The following ANO2 variants were observed in gnomAD, a reference collection of about 807,000 sequenced individuals.
ANO2 encodes the protein anoctamin-2.
In ANO2, 101 loss-of-function variants were observed where a neutral mutation model predicts 124.2. That is an observed-to-expected ratio of 0.81 (90% CI 0.69 to 0.96). The LOEUF is 0.96. ANO2 is among the 40% of genes least tolerant of loss of function. The pLI is 0.00. For synonymous variants in ANO2, 486 were observed against 482.5 expected, an observed-to-expected ratio of 1.01 and a Z score of -0.09; for missense variants, 1,293 against 1,274.5, an observed-to-expected ratio of 1.01 and a Z score of -0.22.
intron 14 of ANO2, among the ~76,000 whole-genome samples, chr12:5,663,060 C>T (rs1465105525): frequency 6.6e-6 from 1 of 152,144 alleles, no homozygotes; most frequent in Non-Finnish European, 1.5e-5. Flanking sequence ...GTGAAATGAC[C>T]CGTTAAGAAG....
intron 3 of ANO2, among the ~76,000 whole-genome samples, chr12:5,888,685 C>T (rs1939155312): frequency 6.6e-6 from 1 of 152,332 alleles, no homozygotes; most frequent in Middle Eastern, 3.4e-3. Context: ...GGTGCATTCA[C>T]AAACCCTGAG....
intron 14 of ANO2, among the ~76,000 whole-genome samples, chr12:5,697,649 G>A (rs1949239180): frequency 1.3e-5 from 2 of 152,178 alleles, no homozygotes; most frequent in African/African-American, 4.8e-5. Flanking sequence ...GCCAAAGCAG[G>A]GCGAGGCATC....
Position 5,922,602 on chromosome 12 carries a change from C to T in ANO2, c.207+18G>A. 2 of 1,516,492 alleles carry T rather than the reference C, an allele frequency of 1.3e-6. No individual in the cohort carries two copies. Among genetic ancestry groups the T allele is most frequent in the South Asian group, 1.2e-5 (1 of 82,238 alleles). The allele number at this position is 1,516,492 out of a possible 1,614,324, so 93.9% of individuals were successfully genotyped here. ...AGGGCTGGCCTATCCCCCCACCCCA[C>T]CCCCGCCCAGTACTCACAGAGCTGC... On this transcript the variant is annotated intron_variant, in intron 2 of 24. Coordinates refer to ENST00000682330, the MANE Select transcript of ANO2 (RefSeq NM_001364791.2).
In ANO2 at chr12:5,921,173, T is replaced by C. The variant is rs779270163; in HGVS notation, c.401A>G (p.Glu134Gly). 4 of 1,613,916 alleles carry C rather than the reference T, an allele frequency of 2.5e-6. No individual in the cohort carries two copies. The South Asian group carries it at 4.4e-5, about 18-fold the overall frequency. ...GTCACCTGGGCCCCCAGCATGAGGC[T>C]CCTTGCCTGTCTCCCCATTGGAGAC... ...AIVSNGETGK[E>G]PHAGGPGDIE... The change falls in exon 3 of 25, where the codon GAG becomes GGG. Residue 134 changes from glutamate to glycine, a missense_variant. Glu to Gly is a moderately conservative substitution (Grantham distance 98). Transcript: ENST00000682330.
intron 14 of ANO2, among the ~76,000 whole-genome samples, chr12:5,683,150 C>G (rs1027302973): frequency 3.9e-5 from 6 of 152,180 alleles, no homozygotes; most frequent in Non-Finnish European, 8.8e-5. Flanking sequence ...GACAACCTAC[C>G]TCCAGCTCTG....
intron 10 of ANO2, among the ~76,000 whole-genome samples, chr12:5,782,257 C>T (rs753497645): frequency 1.3e-5 from 2 of 152,164 alleles, no homozygotes; most frequent in African/African-American, 4.8e-5. Context: ...ATAGCCACTT[C>T]AGTTTTCTTT....
At chr12:5,615,517 T>C (rs1381645068) in intron 16 of ANO2, among the ~76,000 whole-genome samples, 1 of 152,148 alleles carries the variant, frequency 6.6e-6, no homozygotes, top group Non-Finnish European at 1.5e-5. Context: ...AGGATCACTG[T>C]CTTTCTCCGT....
At chr12:5,652,417 C>A (rs1402514907) in intron 14 of ANO2, among the ~76,000 whole-genome samples, 1 of 152,030 alleles carries the variant, frequency 6.6e-6, no homozygotes, top group East Asian at 1.9e-4. Flanking sequence ...CATACTTTAT[C>A]CATATTTTCT....
In ANO2 at chr12:5,578,529, G is replaced by T; in HGVS notation, c.2234-11C>A. ...AACCAAACTGGATGACTGCGAGAGAGCACAGCATGAGGGCTTCAGCAGGAA... is the reference window on the plus strand; with the variant it reads ...AACCAAACTGGATGACTGCGAGAGATCACAGCATGAGGGCTTCAGCAGGAA... On this transcript the variant is annotated splice_polypyrimidine_tract_variant and intron_variant, in intron 20 of 24. Transcript: ENST00000682330. 6.2e-7 allele frequency: 1 copy of T among 1,610,732 alleles called. No homozygotes were observed. The highest frequency in any genetic ancestry group is 8.5e-7 in the Non-Finnish European group (1 of 1,178,560).
intron 7 of ANO2, among the ~76,000 whole-genome samples, chr12:5,809,811 C>G (rs1225321469): frequency 6.6e-6 from 1 of 152,200 alleles, no homozygotes; most frequent in Non-Finnish European, 1.5e-5. Context: ...CTCCTCTCAC[C>G]TGTGCGTCTC....
intron 14 of ANO2, among the ~76,000 whole-genome samples, chr12:5,672,512 C>T (rs1191750469): frequency 6.6e-6 from 1 of 152,162 alleles, no homozygotes; most frequent in African/African-American, 2.4e-5. Flanking sequence ...GTTCACTTTC[C>T]TTCAGTTGAG....
At chr12:5,874,127 A>T (rs967772046) in intron 3 of ANO2, among the ~76,000 whole-genome samples, 1 of 152,226 alleles carries the variant, frequency 6.6e-6, no homozygotes, top group Non-Finnish European at 1.5e-5. Context: ...GGGGAATCAT[A>T]AAAGAGGCTA....
rs550000172 is a variant in ANO2 at position 5,672,995 on chromosome 12, T to G, written c.1546-25194A>C. Reference sequence around the variant, plus strand: ...CCCAATATATCCATGGGGAGGAATCTTCCTCCCATCTATGTCTCCATCTGC... The same window carrying G: ...CCCAATATATCCATGGGGAGGAATCGTCCTCCCATCTATGTCTCCATCTGC... On this transcript the variant is annotated intron_variant, in intron 14 of 24. Coordinates refer to ENST00000682330, the MANE Select transcript of ANO2 (RefSeq NM_001364791.2). Among the ~76,000 whole-genome samples the G allele has an allele frequency of 2.6e-5, 4 of 152,318 alleles. No individual in the cohort carries two copies. In the South Asian group the frequency reaches 8.3e-4, roughly 32 times the overall value.
chr12:5,575,812 C>CT, intron 23 of ANO2, 22 bp downstream of exon 23: 1 of 1,610,126 alleles, frequency 6.2e-7, no homozygotes, highest in Non-Finnish European at 8.5e-7. Flanking sequence ...CTCTGCTGCC[C>CT]TTCTCCTGAA....
Position 5,922,589 on chromosome 12 carries a change from T to TTGC in ANO2, c.207+30_207+31insGCA. ...GGTGGCCTGCAACAGGGCTGGCCTATCCCCCCACCCCACCCCCGCCCAGTA... is the reference window on the plus strand; with the variant it reads ...GGTGGCCTGCAACAGGGCTGGCCTATTGCCCCCCCACCCCACCCCCGCCCAGTA... On this transcript the variant is annotated intron_variant, in intron 2 of 24. Coordinates refer to ENST00000682330, the MANE Select transcript of ANO2 (RefSeq NM_001364791.2). 6.9e-6 allele frequency: 10 copies of TTGC among 1,449,798 alleles called. No homozygotes were observed. The African/African-American group carries it at 1.0e-4, about 15-fold the overall frequency. The allele number at this position is 1,449,798 out of a possible 1,614,324, so 89.8% of individuals were successfully genotyped here.
Position 5,636,356 on chromosome 12 carries a change from T to C in ANO2, c.1621-1009A>G, listed in dbSNP as rs928522429. ...CCTGAGTAAAGCCTCTTAGAGGGGA[T>C]AGAAGAAGGAGAGACAACTGCTAGG... On this transcript the variant is annotated intron_variant, in intron 15 of 24. Coordinates refer to ENST00000682330, the MANE Select transcript of ANO2 (RefSeq NM_001364791.2). This position sits in a 1 kb window ranked among gnomAD's most constrained non-coding sequence, Gnocchi z 4.6. 3.9e-5 allele frequency among the ~76,000 whole-genome samples: 6 copies of C among 151,996 alleles called. No homozygotes were observed. The highest frequency in any genetic ancestry group is 1.3e-4 in the Admixed American group (2 of 15,268).
At chr12:5,649,645 C>T (rs1946815240) in intron 14 of ANO2, among the ~76,000 whole-genome samples, 1 of 152,084 alleles carries the variant, frequency 6.6e-6, no homozygotes, top group Non-Finnish European at 1.5e-5. Flanking sequence ...CACTCTGTTG[C>T]CCAGGCTAGA....
chr12:5,697,777 G>A (rs996294827), intron 14 of ANO2, among the ~76,000 whole-genome samples: 11 of 152,196 alleles, frequency 7.2e-5, no homozygotes, highest in Non-Finnish European at 7.3e-5. Flanking sequence ...TTTATCCAAC[G>A]GTCCTAGCAA....
chr12:5,667,798 C>T lies in ANO2; in HGVS notation c.1546-19997G>A, dbSNP rs149899804. 2.8e-4 allele frequency among the ~76,000 whole-genome samples: 43 copies of T among 152,242 alleles called. 1 individual carries two copies. The highest frequency in any genetic ancestry group is 9.4e-4 in the African/African-American group (39 of 41,554). ...GCTCCCACTTATAAGTGAGAACATG[C>T]GGTGTTTGGGTTTTCCATTCCTGGA... On this transcript the variant is annotated intron_variant, in intron 14 of 24. Transcript: ENST00000682330.
Sources: gnomAD v4.1 joint callset for allele counts (sites outside exome capture counted in the v4.1 genomes callset) on GRCh38, gnomAD v4.1.1 for gene constraint, Gnocchi (gnomAD v3.1) non-coding constraint, MANE v1.5 for transcripts, NCBI Gene and HGNC (gene_info 2026-07-23, HGNC 2026-07-21) for gene names.